Variants in LPXN observed in about 807,000 individuals in gnomAD.
The protein encoded by LPXN is leupaxin.
In LPXN, 28 loss-of-function variants were observed where a neutral mutation model predicts 45.6. The ratio of observed to expected loss-of-function variants is 0.61; its 90% CI spans 0.45 to 0.84. LPXN has a LOEUF of 0.84. Ranked by LOEUF, LPXN falls within the 40% of genes least tolerant of loss-of-function variation. The pLI, the probability that LPXN is intolerant of heterozygous loss-of-function variation, is 0.00. For missense variants in LPXN, 459 were observed against 475.0 expected (o/e 0.97, Z 0.31); for synonymous variants, 166 against 169.9 (o/e 0.98, Z 0.18).
At chr11:58,551,735 G>A (rs140201156) in intron 4 of LPXN, among the ~76,000 whole-genome samples, 192 of 152,258 alleles carry the variant, frequency 1.3e-3, no homozygotes, top group African/African-American at 4.2e-3. Flanking sequence ...GTCAGACAGA[G>A]ATAAGTTATA....
At chr11:58,534,771 C>T (rs1353604560) in intron 7 of LPXN, among the ~76,000 whole-genome samples, 1 of 152,026 alleles carries the variant, frequency 6.6e-6, no homozygotes, top group Non-Finnish European at 1.5e-5. Context: ...AGATAGACTA[C>T]TAGCCACACT....
At chr11:58,547,639 C>T (rs1853914617) in intron 7 of LPXN, among the ~76,000 whole-genome samples, 1 of 152,112 alleles carries the variant, frequency 6.6e-6, no homozygotes, top group African/African-American at 2.4e-5. Context: ...AAGGCCATAC[C>T]CCTGTCCTCG....
At chr11:58,568,339 G>A (rs893169085) in intron 2 of LPXN, among the ~76,000 whole-genome samples, 26 of 152,072 alleles carry the variant, frequency 1.7e-4, no homozygotes, top group Non-Finnish European at 2.8e-4. Flanking sequence ...ACAGTGGCTC[G>A]TGCTTGTAAT....
intron 2 of LPXN, among the ~76,000 whole-genome samples, chr11:58,565,756 G>A (rs1484663908): frequency 6.6e-6 from 1 of 152,112 alleles, no homozygotes; most frequent in Non-Finnish European, 1.5e-5. Flanking sequence ...GCTGAGGCAC[G>A]TGCATCATTT....
At chr11:58,578,722 G>A (rs548414112), upstream of LPXN, among the ~76,000 whole-genome samples, 1 of 152,224 alleles carries the variant, frequency 6.6e-6, no homozygotes, top group South Asian at 2.1e-4. Context: ...CAGGGAGGCA[G>A]GTGCGCGCGC....
At chr11:58,549,932 G>GCA (rs1457549779) in intron 6 of LPXN, 41 bp downstream of exon 6, 2 of 1,613,864 alleles carry the variant, frequency 1.2e-6, no homozygotes, top group Admixed American at 3.3e-5. Flanking sequence ...CTGGTTCTAA[G>GCA]TGAGTGACTG....
intron 8 of LPXN, 89 bp downstream of exon 8, chr11:58,527,954 G>A: frequency 6.9e-7 from 1 of 1,442,964 alleles, no homozygotes; most frequent in Admixed American, 2.0e-5. Flanking sequence ...ATTCAGGACT[G>A]TGAACCCTTT....
Position 58,528,210 on chromosome 11 carries a change from G to A in LPXN, c.743-19C>T, listed in dbSNP as rs1182442399. The A allele has an allele frequency of 6.2e-7, 1 of 1,610,694 alleles. No individual in the cohort carries two copies. The highest frequency in any genetic ancestry group is 8.5e-7 in the Non-Finnish European group (1 of 1,177,408). ...TGAAAGCCTGGAGAGATAAAATCAG[G>A]AATTCACTGTTGCAGGTTGAGCCCT... On this transcript the variant is annotated intron_variant, in intron 7 of 8. Coordinates refer to ENST00000395074, the MANE Select transcript of LPXN (RefSeq NM_004811.3).
chr11:58,557,526 T>C (rs759438840), intron 3 of LPXN, among the ~76,000 whole-genome samples: 1 of 152,124 alleles, frequency 6.6e-6, no homozygotes, highest in Non-Finnish European at 1.5e-5. Flanking sequence ...AATATGTAGA[T>C]ACACTGGTGA....
upstream of LPXN, among the ~76,000 whole-genome samples, chr11:58,577,453 C>T (rs1854930588): frequency 6.6e-6 from 1 of 152,112 alleles, no homozygotes; most frequent in Non-Finnish European, 1.5e-5. Flanking sequence ...AAAATTGGAT[C>T]CCCAGATCTT....
chr11:58,562,498 T>C (rs150190338), intron 3 of LPXN, among the ~76,000 whole-genome samples: 220 of 152,258 alleles, frequency 1.4e-3, no homozygotes, highest in African/African-American at 4.9e-3. Context: ...ACACAGCAAG[T>C]ATCATTCAGT....
At chr11:58,558,026 G>A (rs1281865900) in intron 3 of LPXN, among the ~76,000 whole-genome samples, 3 of 151,928 alleles carry the variant, frequency 2.0e-5, no homozygotes, top group Non-Finnish European at 4.4e-5. Context: ...AACAAAATAG[G>A]AGGGGTGTGT....
At chr11:58,532,294 G>A (rs11501583) in intron 7 of LPXN, among the ~76,000 whole-genome samples, 1,660 of 152,340 alleles carry the variant, frequency 0.011, 38 homozygotes, top group African/African-American at 0.038. Context: ...GAGGCGCCCA[G>A]TCCCATCGAC....
intron 7 of LPXN, among the ~76,000 whole-genome samples, chr11:58,542,971 C>G (rs1385981470): frequency 3.3e-5 from 5 of 152,172 alleles, no homozygotes; most frequent in Non-Finnish European, 7.3e-5. Flanking sequence ...AGCACTTATT[C>G]AAGTGATATA....
Position 58,528,075 on chromosome 11 carries a change from T to C in LPXN, c.859A>G (p.Thr287Ala). The C allele has an allele frequency of 6.2e-7, 1 of 1,614,228 alleles. No homozygotes were observed. ...VLENYLSAMD[T>A]VWHPECFVCG... Reference sequence around the variant, plus strand: ...ACAAAGCACTCTGGGTGCCAGACAGTGTCCATGGCTGAAAGGTAGTTTTCC... The same window carrying C: ...ACAAAGCACTCTGGGTGCCAGACAGCGTCCATGGCTGAAAGGTAGTTTTCC... Residue 287 changes from threonine (T) to alanine (A), a missense_variant, in exon 8 of 9, where the codon ACT becomes GCT. By Grantham distance (58) the Thr-to-Ala change is moderately conservative. Coordinates refer to ENST00000395074, the MANE Select transcript of LPXN (RefSeq NM_004811.3).
chr11:58,568,317 A>G (rs915870371), intron 2 of LPXN, among the ~76,000 whole-genome samples: 4 of 152,132 alleles, frequency 2.6e-5, no homozygotes, highest in African/African-American at 9.7e-5. Flanking sequence ...TTAAGTCAGA[A>G]TTTGGCTGGG....
At chr11:58,570,814 T>A in intron 1 of LPXN, 101 bp from the exon 2 acceptor site, 1 of 790,278 alleles carries the variant, frequency 1.3e-6, no homozygotes, top group East Asian at 2.6e-5. Context: ...CATCTCCTTT[T>A]CTTCAATTAT....
intron 2 of LPXN, 66 bp downstream of exon 2, chr11:58,570,490 T>C: frequency 8.3e-7 from 1 of 1,206,514 alleles, no homozygotes; most frequent in Non-Finnish European, 1.2e-6. Context: ...TTATGTGGGA[T>C]TCTGTTAATT....
intron 7 of LPXN, among the ~76,000 whole-genome samples, chr11:58,532,196 T>G (rs897201295): frequency 2.0e-5 from 3 of 152,206 alleles, no homozygotes; most frequent in Non-Finnish European, 4.4e-5. Flanking sequence ...GGCGCAGGGC[T>G]TGGGATCTGC....
Sources: allele counts gnomAD v4.1 joint callset (sites outside exome capture counted in the v4.1 genomes callset), GRCh38; gene constraint gnomAD v4.1.1; transcripts MANE v1.5; gene names NCBI Gene and HGNC (gene_info 2026-07-23, HGNC 2026-07-21).